Variants in B3GALT1 observed in about 807,000 individuals in gnomAD.
B3GALT1 encodes the protein beta-1,3-galactosyltransferase 1, also known as UDP-Gal:betaGlcNAc beta 1,3-galactosyltransferase, polypeptide 1.
Under a neutral mutation model 23.2 loss-of-function variants are expected in B3GALT1, and 10 were observed. That is an observed-to-expected ratio of 0.43 (90% CI 0.27 to 0.73). The LOEUF (loss-of-function observed/expected upper bound fraction) is 0.73. Ranked by LOEUF, B3GALT1 falls within the 30% of genes least tolerant of loss-of-function variation. B3GALT1 has a pLI of 0.21. For synonymous variants in B3GALT1, 156 were observed against 141.5 expected, an observed-to-expected ratio of 1.10 and a Z score of -0.73; for missense variants, 299 against 405.4, an observed-to-expected ratio of 0.74 and a Z score of 2.25.
chr2:167,421,071 C>T (rs1268434732), intron 1 of B3GALT1, among the ~76,000 whole-genome samples: 10 of 152,218 alleles, frequency 6.6e-5, no homozygotes, highest in Middle Eastern at 6.8e-3. Flanking sequence ...AATAGGACAT[C>T]ATTGTGAGTA....
chr2:167,620,054 T>C lies in B3GALT1; in HGVS notation c.-409-26855T>C, dbSNP rs549726635. Among the ~76,000 whole-genome samples the C allele has an allele frequency of 2.6e-5, 4 of 152,140 alleles. No homozygotes were observed. In the East Asian group the frequency reaches 7.8e-4, roughly 29 times the overall value. On this transcript the variant is annotated intron_variant, in intron 2 of 4. Transcript: ENST00000392690. ...ACTTTAAAGTGGATCGTTAGGAAAA[T>C]CATGTCTGCAAAGAGTATGATAAGT...
intron 3 of B3GALT1, chr2:167,713,952 C>T (rs1687103202): frequency 6.4e-7 from 1 of 1,563,014 alleles, no homozygotes; most frequent in South Asian, 1.1e-5. Flanking sequence ...CTTGTATCCA[C>T]TGGAAACAAT....
In B3GALT1 at chr2:167,574,582, T is replaced by G. The variant is rs1684351672; in HGVS notation, c.-409-72327T>G. 1.3e-5 allele frequency among the ~76,000 whole-genome samples: 2 copies of G among 151,718 alleles called. 1 individual carries two copies. Among genetic ancestry groups the G allele is most frequent in the South Asian group, 4.1e-4 (2 of 4,828 alleles). On this transcript the variant is annotated intron_variant, in intron 2 of 4. Coordinates refer to ENST00000392690, the MANE Select transcript of B3GALT1 (RefSeq NM_020981.4). ...TCACTTGGATATCTAGATTGCTGCC[T>G]TCATCAACTGGATTTATTGAATTTC...
intron 2 of B3GALT1, among the ~76,000 whole-genome samples, chr2:167,502,070 A>G (rs1699856513): frequency 2.0e-5 from 3 of 152,210 alleles, no homozygotes; most frequent in South Asian, 4.1e-4. Context: ...TCGTTCATTC[A>G]TTTAACAAAT....
chr2:167,723,091 T>A (rs1279103009), intron 3 of B3GALT1, among the ~76,000 whole-genome samples: 1 of 152,226 alleles, frequency 6.6e-6, no homozygotes, highest in East Asian at 1.9e-4. Flanking sequence ...CAGCAGTCAC[T>A]ATTTTGGGTT....
intron 1 of B3GALT1, among the ~76,000 whole-genome samples, chr2:167,381,411 T>C (rs1697846927): frequency 6.6e-6 from 1 of 152,226 alleles, no homozygotes; most frequent in African/African-American, 2.4e-5. Context: ...CTCTGATTTA[T>C]TAAAAATATC....
Position 167,689,594 on chromosome 2 carries a change from G to A in B3GALT1, c.-352+42628G>A, listed in dbSNP as rs537890245. Among the ~76,000 whole-genome samples the A allele has an allele frequency of 2.6e-5, 4 of 152,236 alleles. No homozygotes were observed. In the South Asian group the frequency reaches 8.3e-4, roughly 32 times the overall value. On this transcript the variant is annotated intron_variant, in intron 3 of 4. Coordinates refer to ENST00000392690, the MANE Select transcript of B3GALT1 (RefSeq NM_020981.4). ...AAGGACTTCTGGATTCCAGAAGATA[G>A]GGGGAGCCATTTTAAGGTTGGAAGC... is the stretch of plus-strand genomic sequence containing the variant.
intron 2 of B3GALT1, among the ~76,000 whole-genome samples, chr2:167,635,585 C>G (rs1685536600): frequency 6.6e-6 from 1 of 151,508 alleles, no homozygotes; most frequent in Non-Finnish European, 1.5e-5. Context: ...GAGTGAACTC[C>G]CATTGACAAT....
intron 3 of B3GALT1, among the ~76,000 whole-genome samples, chr2:167,792,273 A>G (rs2105330116): frequency 6.6e-6 from 1 of 152,332 alleles, no homozygotes; most frequent in Non-Finnish European, 1.5e-5. Context: ...ATCAATCACA[A>G]TGTACTTGTT....
intron 1 of B3GALT1, among the ~76,000 whole-genome samples, chr2:167,381,041 A>G (rs1037361149): frequency 6.6e-6 from 1 of 152,124 alleles, no homozygotes; most frequent in Non-Finnish European, 1.5e-5. Context: ...GGGAAAAAAC[A>G]AAACAAAATA....
At chr2:167,677,510 T>C (rs1686449010) in intron 3 of B3GALT1, among the ~76,000 whole-genome samples, 1 of 152,228 alleles carries the variant, frequency 6.6e-6, no homozygotes, top group Admixed American at 6.5e-5. Context: ...AGGAAACTGC[T>C]GACCTCAAGA....
intron 1 of B3GALT1, among the ~76,000 whole-genome samples, chr2:167,328,441 G>A (rs918805466): frequency 2.6e-4 from 40 of 151,998 alleles, no homozygotes; most frequent in Non-Finnish European, 2.2e-4. Context: ...TTTAATTTTG[G>A]TAAGTTGTAT....
At chr2:167,308,871 C>A (rs1696591234) in intron 1 of B3GALT1, among the ~76,000 whole-genome samples, 1 of 151,946 alleles carries the variant, frequency 6.6e-6, no homozygotes. Flanking sequence ...ATATCTAAAA[C>A]AATGATGTCA....
At chr2:167,436,792 A>G (rs1256599478) in intron 1 of B3GALT1, among the ~76,000 whole-genome samples, 1 of 152,110 alleles carries the variant, frequency 6.6e-6, no homozygotes, top group Non-Finnish European at 1.5e-5. Context: ...GCTGGAATTC[A>G]CTATAGTGTA....
chr2:167,510,087 A>G (rs758321294), intron 2 of B3GALT1, among the ~76,000 whole-genome samples: 1 of 152,190 alleles, frequency 6.6e-6, no homozygotes, highest in African/African-American at 2.4e-5. Context: ...CAGACTCACA[A>G]TGAATTATAG....
chr2:167,661,711 T>G (rs1395018771), intron 3 of B3GALT1, among the ~76,000 whole-genome samples: 3 of 152,136 alleles, frequency 2.0e-5, no homozygotes, highest in Admixed American at 1.3e-4. Context: ...CTTTTCCAAG[T>G]TAAATATGCC....
chr2:167,750,726 C>CA (rs1256215369), intron 3 of B3GALT1, among the ~76,000 whole-genome samples: 1 of 132,660 alleles, frequency 7.5e-6, no homozygotes, highest in African/African-American at 2.9e-5. Context: ...CCTTAAAGGA[C>CA]TGTTGAGCAA....
chr2:167,760,407 T>G (rs1207673580), intron 3 of B3GALT1, among the ~76,000 whole-genome samples: 2 of 152,140 alleles, frequency 1.3e-5, no homozygotes, highest in Non-Finnish European at 2.9e-5. Flanking sequence ...TATGGGAAAA[T>G]GCATTGTTTT....
intron 3 of B3GALT1, among the ~76,000 whole-genome samples, chr2:167,815,812 G>A (rs1688983106): frequency 1.3e-5 from 2 of 152,068 alleles, no homozygotes; most frequent in Admixed American, 6.6e-5. Flanking sequence ...TTAAAATGTG[G>A]GTGACAAATG....
Sources: allele counts gnomAD v4.1 joint callset (sites outside exome capture counted in the v4.1 genomes callset), GRCh38; gene constraint gnomAD v4.1.1; transcripts MANE v1.5; gene names NCBI Gene and HGNC (gene_info 2026-07-23, HGNC 2026-07-21).